Variants in MEIG1 observed in about 807,000 individuals in gnomAD.
MEIG1 encodes the protein meiosis expressed gene 1 protein homolog.
Under a neutral mutation model 11.3 loss-of-function variants are expected in MEIG1, and 12 were observed. The ratio of observed to expected loss-of-function variants is 1.07; its 90% CI spans 0.68 to 1.73. The LOEUF (loss-of-function observed/expected upper bound fraction) is 1.73. Among genes scored for constraint, MEIG1 ranks in the 40% most tolerant of loss-of-function variants. MEIG1 has a pLI of 0.00. For missense variants in MEIG1, 119 were observed against 104.9 expected, an observed-to-expected ratio of 1.13 and a Z score of -0.59; for synonymous variants, 41 against 33.2, an observed-to-expected ratio of 1.24 and a Z score of -0.81.
chr10:14,982,958 T>C (rs999126345), intron 1 of MEIG1, among the ~76,000 whole-genome samples: 4 of 152,098 alleles, frequency 2.6e-5, no homozygotes, highest in African/African-American at 9.7e-5. Context: ...AATGTTAATC[T>C]GAGCACTTTT....
chr10:14,962,867 C>G (rs1843031210), intron 1 of MEIG1, among the ~76,000 whole-genome samples: 1 of 151,750 alleles, frequency 6.6e-6, no homozygotes, highest in Non-Finnish European at 1.5e-5. Flanking sequence ...CAGGTTCAAG[C>G]AGTTCTCTGC....
At chr10:14,963,716 G>A (rs993847084) in intron 1 of MEIG1, among the ~76,000 whole-genome samples, 1 of 152,142 alleles carries the variant, frequency 6.6e-6, no homozygotes, top group African/African-American at 2.4e-5. Context: ...TGTAATCACA[G>A]CACTTTGGGA....
chr10:14,955,969 G>A (rs1411347424), upstream of MEIG1, among the ~76,000 whole-genome samples: 3 of 152,206 alleles, frequency 2.0e-5, no homozygotes, highest in Admixed American at 6.5e-5. Flanking sequence ...AAATTCTGCT[G>A]TGAGTCTAGT....
intron 1 of MEIG1, among the ~76,000 whole-genome samples, chr10:14,985,237 A>G (rs1843307298): frequency 6.6e-6 from 1 of 151,804 alleles, no homozygotes; most frequent in African/African-American, 2.4e-5. Context: ...ATTCTAGGGA[A>G]ATGTTGCTAC....
intron 1 of MEIG1, among the ~76,000 whole-genome samples, chr10:14,980,423 A>T (rs1843251769): frequency 1.3e-5 from 2 of 152,190 alleles, no homozygotes; most frequent in Non-Finnish European, 2.9e-5. Context: ...CACGTGGTGT[A>T]CAAACAGTGA....
chr10:14,972,705 G>A lies in MEIG1; in HGVS notation c.*64G>A. The stretch of plus-strand genomic sequence containing the variant: ...TATTCATCATTTCCTTCTACATCAT[G>A]TGTTTGTCATTTGATGAAATAATTC... On this transcript the variant is annotated 3_prime_UTR_variant, in exon 3 of 3. Transcript: ENST00000407572. 7.3e-7 allele frequency: 1 copy of A among 1,369,532 alleles called. No individual in the cohort carries two copies. The highest frequency in any genetic ancestry group is 9.8e-7 in the Non-Finnish European group (1 of 1,019,650). 84.8% of individuals were successfully genotyped at this position (1,369,532 alleles called of 1,614,324 possible).
intron 1 of MEIG1, among the ~76,000 whole-genome samples, chr10:14,984,079 A>C (rs200579355): frequency 6.6e-6 from 1 of 152,094 alleles, no homozygotes; most frequent in East Asian, 1.9e-4. Flanking sequence ...ACACCCGTGT[A>C]TGATATAGTT....
downstream of MEIG1, among the ~76,000 whole-genome samples, chr10:14,973,911 A>G (rs374060079): frequency 7.9e-5 from 12 of 152,292 alleles, no homozygotes; most frequent in East Asian, 3.9e-4. Context: ...TTACATTTGT[A>G]AAGTGAAGAG....
chr10:14,978,035 G>C (rs528531542), intron 1 of MEIG1, among the ~76,000 whole-genome samples: 2 of 151,860 alleles, frequency 1.3e-5, no homozygotes, highest in Admixed American at 6.6e-5. Flanking sequence ...TTCTAGGGGG[G>C]TGTTCCTTTT....
intron 1 of MEIG1, among the ~76,000 whole-genome samples, chr10:14,978,273 T>G (rs573201987): frequency 6.6e-6 from 1 of 151,972 alleles, no homozygotes; most frequent in African/African-American, 2.4e-5. Flanking sequence ...TCACATTGGG[T>G]GTAGACACAT....
chr10:14,962,739 TATAAAA>T (rs944213485), intron 1 of MEIG1, among the ~76,000 whole-genome samples: 41 of 152,114 alleles, frequency 2.7e-4, no homozygotes, highest in African/African-American at 8.9e-4. Context: ...ACTAAATTCA[TATAAAA>T]ATATGACTAA....
At chr10:14,987,580 T>C (rs1843331999) in intron 2 of MEIG1, 6 of 562,774 alleles carry the variant, frequency 1.1e-5, no homozygotes, top group Non-Finnish European at 1.9e-5. Flanking sequence ...TGTTTCTCAG[T>C]TGTGACAATT....
chr10:14,981,972 C>T (rs998789389), intron 1 of MEIG1, among the ~76,000 whole-genome samples: 2 of 152,198 alleles, frequency 1.3e-5, no homozygotes, highest in Admixed American at 6.6e-5. Context: ...TTTACAAACA[C>T]CTGCTTAGCT....
At chr10:14,984,817 G>A (rs1843301960) in intron 1 of MEIG1, among the ~76,000 whole-genome samples, 1 of 152,038 alleles carries the variant, frequency 6.6e-6, no homozygotes, top group South Asian at 2.1e-4. Context: ...CACACGGGGT[G>A]GACACACAGT....
At chr10:14,972,935 G>A (rs966371396), downstream of MEIG1, 22 of 240,220 alleles carry the variant, frequency 9.2e-5, no homozygotes, top group African/African-American at 4.9e-4. Context: ...GTGCAATCTC[G>A]ATTCACTGCA....
intron 2 of MEIG1, among the ~76,000 whole-genome samples, chr10:14,968,543 TGGA>T (rs1843114038): frequency 6.6e-6 from 1 of 152,092 alleles, no homozygotes; most frequent in Non-Finnish European, 1.5e-5. Flanking sequence ...GGAAAAATAA[TGGA>T]GGCAATACGG....
At chr10:14,987,708 A>C (rs1285530463) in intron 2 of MEIG1, 1 of 277,110 alleles carries the variant, frequency 3.6e-6, no homozygotes, top group African/African-American at 2.3e-5. Flanking sequence ...CGTATATAAC[A>C]AATCCGTGAT....
chr10:14,985,978 C>T (rs549245301), intron 1 of MEIG1, among the ~76,000 whole-genome samples: 2 of 152,034 alleles, frequency 1.3e-5, no homozygotes, highest in Non-Finnish European at 2.9e-5. Flanking sequence ...ACAGTGTGCA[C>T]ACCCTGTGAT....
intron 1 of MEIG1, among the ~76,000 whole-genome samples, chr10:14,981,586 A>G (rs1589215455): frequency 2.0e-5 from 3 of 152,120 alleles, no homozygotes; most frequent in East Asian, 3.9e-4. Context: ...AGGAAAATCA[A>G]TGTCTCTACC....
Sources: gnomAD v4.1 joint callset for allele counts (sites outside exome capture counted in the v4.1 genomes callset) on GRCh38, gnomAD v4.1.1 for gene constraint, MANE v1.5 for transcripts, NCBI Gene and HGNC (gene_info 2026-07-23, HGNC 2026-07-21) for gene names.